The following NTNG1 variants were observed in gnomAD, a reference collection of about 807,000 sequenced individuals.
The protein encoded by NTNG1 is netrin-G1.
A neutral mutation model predicts 54.0 loss-of-function variants in NTNG1; 16 were observed. The ratio of observed to expected loss-of-function variants is 0.30; its 90% CI spans 0.20 to 0.45. The LOEUF is 0.45. NTNG1 is among the 20% of genes least tolerant of loss of function. NTNG1 has a pLI of 1.00. For missense variants in NTNG1, 530 were observed against 678.7 expected (o/e 0.78, Z 2.43); for synonymous variants, 255 against 263.1 (o/e 0.97, Z 0.30).
At chr1:107,155,274 T>G (rs1405253126) in intron 2 of NTNG1, among the ~76,000 whole-genome samples, 4 of 151,890 alleles carry the variant, frequency 2.6e-5, no homozygotes, top group Admixed American at 1.3e-4. Flanking sequence ...CTCTTGTCTC[T>G]AGGAGGACAA....
At chr1:107,313,206 T>A (rs1482652533) in intron 2 of NTNG1, among the ~76,000 whole-genome samples, 2 of 152,184 alleles carry the variant, frequency 1.3e-5, no homozygotes, top group Non-Finnish European at 2.9e-5. Context: ...TACAGGGCAG[T>A]TATTTTATAG....
At chr1:107,229,556 G>A (rs900272444) in intron 2 of NTNG1, among the ~76,000 whole-genome samples, 5 of 151,568 alleles carry the variant, frequency 3.3e-5, no homozygotes, top group Non-Finnish European at 7.4e-5. Flanking sequence ...TATGGAAAGG[G>A]TTCTGCTCTG....
chr1:107,303,614 T>G (rs1436242648), intron 2 of NTNG1, among the ~76,000 whole-genome samples: 2 of 152,190 alleles, frequency 1.3e-5, no homozygotes, highest in African/African-American at 4.8e-5. Flanking sequence ...TAGATTCTCT[T>G]CTCCACTTAA....
chr1:107,430,965 C>G, intron 6 of NTNG1, 48 bp downstream of exon 6: 1 of 1,580,690 alleles, frequency 6.3e-7, no homozygotes, highest in Non-Finnish European at 8.6e-7. Context: ...TTTTGAGCTA[C>G]GGGGAGATAT....
intron 7 of NTNG1, among the ~76,000 whole-genome samples, chr1:107,460,016 A>C (rs1017496362): frequency 6.6e-6 from 1 of 152,082 alleles, no homozygotes; most frequent in African/African-American, 2.4e-5. Flanking sequence ...CTAATTTCTC[A>C]CTTTGTTCTT....
intron 2 of NTNG1, among the ~76,000 whole-genome samples, chr1:107,259,716 C>T (rs1428629184): frequency 6.6e-6 from 1 of 152,152 alleles, no homozygotes; most frequent in African/African-American, 2.4e-5. Context: ...TTACTATTTG[C>T]TTTGTTCAAA....
chr1:107,258,689 G>A (rs1255152972), intron 2 of NTNG1, among the ~76,000 whole-genome samples: 1 of 152,196 alleles, frequency 6.6e-6, no homozygotes, highest in Non-Finnish European at 1.5e-5. Context: ...TGGCAGAGCA[G>A]GATTTGAACT....
chr1:107,281,661 A>G (rs1306263785), intron 2 of NTNG1, among the ~76,000 whole-genome samples: 1 of 152,054 alleles, frequency 6.6e-6, no homozygotes, highest in Non-Finnish European at 1.5e-5. Flanking sequence ...ATATATGTGT[A>G]TGTGTGTGTA....
chr1:107,244,100 A>G (rs1262194719), intron 2 of NTNG1, among the ~76,000 whole-genome samples: 1 of 152,236 alleles, frequency 6.6e-6, no homozygotes, highest in Non-Finnish European at 1.5e-5. Context: ...CATTTGAAAA[A>G]TACACCTATC....
intron 7 of NTNG1, among the ~76,000 whole-genome samples, chr1:107,457,524 CAT>C (rs1677026685): frequency 6.6e-6 from 1 of 152,152 alleles, no homozygotes; most frequent in Non-Finnish European, 1.5e-5. Context: ...TAAATTAAAA[CAT>C]ATATGTGTCT....
chr1:107,422,287 G>T (rs1488230905), intron 5 of NTNG1, among the ~76,000 whole-genome samples: 4 of 152,062 alleles, frequency 2.6e-5, no homozygotes, highest in Non-Finnish European at 4.4e-5. Flanking sequence ...TGTCATATAG[G>T]CAGTCACTGA....
intron 2 of NTNG1, among the ~76,000 whole-genome samples, chr1:107,206,236 C>G (rs577939277): frequency 3.9e-4 from 59 of 152,248 alleles, no homozygotes; most frequent in African/African-American, 1.3e-3. Flanking sequence ...CCTCATTTCC[C>G]TATCCCATCA....
chr1:107,334,740 T>G (rs1668481016), intron 3 of NTNG1, among the ~76,000 whole-genome samples: 1 of 151,996 alleles, frequency 6.6e-6, no homozygotes, highest in Admixed American at 6.6e-5. Context: ...GAACTTTCAG[T>G]TTACTCACTG....
intron 7 of NTNG1, among the ~76,000 whole-genome samples, chr1:107,455,062 ATT>A (rs111552271): frequency 1.4e-4 from 20 of 139,424 alleles, no homozygotes; most frequent in African/African-American, 4.2e-4. Context: ...CATGGTGACT[ATT>A]TTTTTTTTTT....
intron 7 of NTNG1, among the ~76,000 whole-genome samples, chr1:107,440,267 T>C (rs1675885932): frequency 6.6e-6 from 1 of 152,036 alleles, no homozygotes; most frequent in Admixed American, 6.6e-5. Flanking sequence ...AGGACTTGGG[T>C]TTGGGAACAG....
intron 2 of NTNG1, among the ~76,000 whole-genome samples, chr1:107,216,973 A>C (rs1660007920): frequency 6.6e-6 from 1 of 152,102 alleles, no homozygotes; most frequent in Non-Finnish European, 1.5e-5. Context: ...CACCACACCC[A>C]GCAGATTCCC....
chr1:107,170,024 A>G (rs925874322), intron 2 of NTNG1, among the ~76,000 whole-genome samples: 3 of 152,178 alleles, frequency 2.0e-5, no homozygotes, highest in Non-Finnish European at 4.4e-5. Context: ...AGGCCCACTC[A>G]GATTATCTAG....
intron 2 of NTNG1, among the ~76,000 whole-genome samples, chr1:107,304,630 G>A (rs1666554274): frequency 6.6e-6 from 1 of 151,936 alleles, no homozygotes; most frequent in African/African-American, 2.4e-5. Flanking sequence ...ACATCCAGTT[G>A]ATATTAATTT....
In NTNG1 at chr1:107,400,651, G is replaced by GTTT. The variant is rs370579128; in HGVS notation, c.1060+5337_1060+5339dup. The stretch of plus-strand genomic sequence containing the variant: ...GTCTTCATCAACGTTTGTGGAATAA[G>GTTT]TTTTTTTTTTTTTTGAGATGTAGTT... On this transcript the variant is annotated intron_variant, in intron 4 of 7. Transcript: ENST00000370068. 5.4e-4 allele frequency among the ~76,000 whole-genome samples: 79 copies of GTTT among 147,566 alleles called. 2 individuals are homozygous for GTTT. The highest frequency in any genetic ancestry group is 1.6e-3 in the East Asian group (8 of 4,984).
Sources: allele counts gnomAD v4.1 joint callset (sites outside exome capture counted in the v4.1 genomes callset), GRCh38; gene constraint gnomAD v4.1.1; transcripts MANE v1.5; gene names NCBI Gene and HGNC (gene_info 2026-07-23, HGNC 2026-07-21).